DHX8: variants seen among roughly 807,000 people sequenced by gnomAD.
DHX8 encodes DEAH-box helicase 8, also known as ATP-dependent RNA helicase DHX8.
DHX8 carries 67 observed loss-of-function variants against 140.7 expected under a neutral mutation model. That is an observed-to-expected ratio of 0.48 (90% CI 0.39 to 0.58). The LOEUF (loss-of-function observed/expected upper bound fraction) is 0.58, where lower values mean the gene tolerates loss of function less well. Among genes scored for constraint, DHX8 ranks in the 20% least tolerant of loss-of-function variants. The probability of loss-of-function intolerance (pLI) is 0.00; values close to 1 mark genes in which losing one functional copy is unlikely to be tolerated. For missense variants in DHX8, 887 were observed against 1,550.7 expected, an observed-to-expected ratio of 0.57 and a Z score of 7.19; for synonymous variants, 533 against 553.2, an observed-to-expected ratio of 0.96 and a Z score of 0.51.
intron 3 of DHX8, among the ~76,000 whole-genome samples, chr17:43,540,165 G>A (rs1477655888): frequency 6.6e-6 from 1 of 152,142 alleles, no homozygotes; most frequent in Non-Finnish European, 1.5e-5. Flanking sequence ...TTAAAAACAC[G>A]ATTACAGCCA....
chr17:43,490,111 T>C lies in DHX8; in HGVS notation c.235-280T>C, dbSNP rs185063630. On this transcript the variant is annotated intron_variant, in intron 2 of 22. Coordinates refer to ENST00000262415, the MANE Select transcript of DHX8 (RefSeq NM_004941.3). ...CATTCTTGTTCTGTGAGTCAGGAAGTTGGAAACAAGTTTTGGGGGTAGTTC... is the reference window on the plus strand; with the variant it reads ...CATTCTTGTTCTGTGAGTCAGGAAGCTGGAAACAAGTTTTGGGGGTAGTTC... Among the ~76,000 whole-genome samples the C allele has an allele frequency of 6.6e-5, 10 of 152,306 alleles. No homozygotes were observed. The East Asian group carries it at 1.9e-3, about 29-fold the overall frequency.
intron 18 of DHX8, chr17:43,519,285 A>G (rs958930183): frequency 6.6e-6 from 1 of 152,226 alleles, no homozygotes; most frequent in African/African-American, 2.4e-5. Context: ...TTTTAAAAAA[A>G]TTATAGCCAT....
intron 21 of DHX8, 95 bp downstream of exon 21, chr17:43,521,660 C>G: frequency 8.2e-7 from 1 of 1,219,548 alleles, no homozygotes; most frequent in Non-Finnish European, 1.2e-6. Flanking sequence ...GCTATAGGCA[C>G]CTTTTCTCTT....
rs112061385 is a variant in DHX8, at chr17:43,492,803, G to A, written c.626G>A (p.Arg209His). ...KRRHRSRSRS[R>H]SRTRERNKVK... ...AGACACCGATCCCGCTCTCGATCAC[G>A]TTCCAGGACCCGGGAGAGGAATAAA... Residue 209 changes from arginine to histidine, a missense_variant, in exon 6 of 23, where the codon CGT becomes CAT. Around this residue, in one of 9 missense-constraint regions of DHX8, gnomAD observed 304 missense variants for 306.9 expected, o/e 0.99. Coordinates refer to ENST00000262415, the MANE Select transcript of DHX8 (RefSeq NM_004941.3). The A allele has an allele frequency of 9.3e-6, 15 of 1,614,144 alleles. No individual in the cohort carries two copies. Among genetic ancestry groups the A allele is most frequent in the African/African-American group, 6.7e-5 (5 of 75,036 alleles).
At chr17:43,504,538 G>A (rs1336255761) in intron 11 of DHX8, 106 bp from the exon 12 acceptor site, 4 of 1,122,762 alleles carry the variant, frequency 3.6e-6, no homozygotes, top group Non-Finnish European at 3.8e-6. Context: ...ACGGGTCGCT[G>A]AATTGAGATG....
chr17:43,526,179 C>T (rs1287864163), downstream of DHX8: 19 of 985,260 alleles, frequency 1.9e-5, no homozygotes, highest in Non-Finnish European at 2.3e-5. Flanking sequence ...GCCTGCTGCT[C>T]TCACACAATG....
rs375354059 is a variant in DHX8, at chr17:43,492,868, C to T, written c.691C>T (p.Pro231Ser). 40 of 1,613,968 alleles carry T rather than the reference C, an allele frequency of 2.5e-5. 1 individual carries two copies. In the Admixed American group the frequency reaches 4.8e-4, roughly 20 times the overall value. ...TCGGTCCAGGAGCAGGAGTCAGAGT[C>T]CCCCCAAAGACCGGAAGGACCGGGA... is the stretch of plus-strand genomic sequence containing the variant. ...RYRSRSRSQS[P>S]PKDRKDRDKY... is the part of the protein sequence containing the mutation. Residue 231 changes from proline to serine, a missense_variant, in exon 6 of 23, where the codon CCC (proline) becomes TCC (serine). Physicochemically the swap from Pro to Ser is moderately conservative, Grantham distance 74 (BLOSUM62 -1). Transcript: ENST00000262415.
intron 9 of DHX8, among the ~76,000 whole-genome samples, chr17:43,498,659 G>C (rs1017441882): frequency 2.6e-5 from 4 of 151,892 alleles, no homozygotes; most frequent in African/African-American, 9.7e-5. Flanking sequence ...GTGTTGACCA[G>C]TCTGATCTCA....
At chr17:43,497,002 G>A (rs567349868) in intron 9 of DHX8, among the ~76,000 whole-genome samples, 4 of 151,964 alleles carry the variant, frequency 2.6e-5, no homozygotes, top group African/African-American at 4.8e-5. Context: ...GAGCACCTAC[G>A]TACTCACCAC....
Position 43,513,492 on chromosome 17 carries a change from C to T in DHX8, c.2633C>T (p.Pro878Leu). 1.9e-6 allele frequency: 3 copies of T among 1,613,766 alleles called. No individual in the cohort carries two copies. The highest frequency in any genetic ancestry group is 2.5e-6 in the Non-Finnish European group (3 of 1,179,822). Residue 878 changes from proline to leucine, a missense_variant, in exon 17 of 23, where the codon CCT (proline) becomes CTT (leucine). Transcript: ENST00000262415. ...GGGATTGACCAGCTCGTGGTGACGC[C>T]TATTTCTCAGGTATGACGGCTTGTA... The part of the protein sequence containing the change: ...KTGIDQLVVT[P>L]ISQAQAKQRA...
chr17:43,511,456 A>ATTTCTTTTTTTTTTTTTTT (rs1969822249), intron 16 of DHX8, among the ~76,000 whole-genome samples: 1 of 56,790 alleles, frequency 1.8e-5, no homozygotes, highest in Admixed American at 3.3e-4. Flanking sequence ...TGATCCCAGC[A>ATTTCTTTTTTTTTTTTTTT]TTTTTTTTTT....
intron 2 of DHX8, among the ~76,000 whole-genome samples, chr17:43,535,215 C>T (rs1447918499): frequency 6.6e-6 from 1 of 152,188 alleles, no homozygotes; most frequent in East Asian, 1.9e-4. Context: ...CTTTGTGCCC[C>T]ATTGTTTCAC....
chr17:43,484,247 AG>A (rs2154586194), intron 1 of DHX8, 62 bp downstream of exon 1: 1 of 1,560,976 alleles, frequency 6.4e-7, no homozygotes, highest in Non-Finnish European at 8.8e-7. Context: ...AGGAGGAAGG[AG>A]GAAGGAGAAA....
intron 3 of DHX8, among the ~76,000 whole-genome samples, chr17:43,538,803 ACTCTCCTTCCCTGGAGACTGCT>A (rs983404701): frequency 1.2e-4 from 18 of 151,600 alleles, no homozygotes; most frequent in East Asian, 9.7e-4. Context: ...AGGAGGCTGG[ACTCTCCTTCCCTGGAGACTGCT>A]CTCTCCTTCC....
intron 18 of DHX8, 25 bp downstream of exon 18, chr17:43,517,347 T>C (rs986901903): frequency 5.6e-6 from 9 of 1,610,808 alleles, no homozygotes; most frequent in Non-Finnish European, 7.6e-6. Context: ...CTTGTTAAAA[T>C]GGGTTGGTGG....
chr17:43,528,565 G>A (rs766650217), downstream of DHX8: 32 of 1,613,658 alleles, frequency 2.0e-5, no homozygotes, highest in Admixed American at 3.3e-5. Flanking sequence ...GGCGGGGCCA[G>A]CCAGCTCTGG....
At chr17:43,497,328 T>C (rs1968922351) in intron 9 of DHX8, among the ~76,000 whole-genome samples, 1 of 152,242 alleles carries the variant, frequency 6.6e-6, no homozygotes, top group Non-Finnish European at 1.5e-5. Context: ...ATTTATCCAT[T>C]TTACTTTTGA....
intron 10 of DHX8, among the ~76,000 whole-genome samples, chr17:43,499,380 A>G (rs1363535706): frequency 6.6e-6 from 1 of 152,204 alleles, no homozygotes; most frequent in Non-Finnish European, 1.5e-5. Context: ...TCATAGAACA[A>G]TAAACATTTT....
At chr17:43,491,295 C>T (rs1386969532) in intron 4 of DHX8, 45 bp downstream of exon 4, 8 of 1,044,338 alleles carry the variant, frequency 7.7e-6, no homozygotes, top group Non-Finnish European at 9.5e-6. Flanking sequence ...TATATATTCT[C>T]AACCCCTTTT....
Sources: allele counts gnomAD v4.1 joint callset (sites outside exome capture counted in the v4.1 genomes callset), GRCh38; gene constraint gnomAD v4.1.1; regional missense constraint gnomAD v4.1.1; transcripts MANE v1.5; gene names NCBI Gene and HGNC (gene_info 2026-07-23, HGNC 2026-07-21).